The following FCGR2A variants were observed in gnomAD, a reference collection of about 807,000 sequenced individuals.
FCGR2A encodes the protein low affinity immunoglobulin gamma Fc region receptor II-a.
Under a neutral mutation model 29.3 loss-of-function variants are expected in FCGR2A, and 18 were observed. That is an observed-to-expected ratio of 0.62 (90% confidence interval 0.43 to 0.91). The LOEUF (loss-of-function observed/expected upper bound fraction) is 0.91, where lower values mean the gene tolerates loss of function less well. Ranked by LOEUF, FCGR2A falls within the 40% of genes least tolerant of loss-of-function variation. FCGR2A has a pLI of 0.00. For missense variants in FCGR2A, 287 were observed against 393.0 expected (o/e 0.73, Z 2.28); for synonymous variants, 126 against 144.8 (o/e 0.87, Z 0.93).
intron 3 of FCGR2A, among the ~76,000 whole-genome samples, chr1:161,508,022 G>A (rs1440569006): frequency 2.1e-5 from 3 of 142,770 alleles, no homozygotes; most frequent in Admixed American, 1.5e-4. Flanking sequence ...GGAGGTGGAG[G>A]TTGCGGTGAG....
At chr1:161,506,896 A>G (rs1304618954) in intron 3 of FCGR2A, among the ~76,000 whole-genome samples, 1 of 152,180 alleles carries the variant, frequency 6.6e-6, no homozygotes, top group African/African-American at 2.4e-5. Flanking sequence ...TCCCTACTTT[A>G]AAAAACTACC....
At chr1:161,506,925 G>T (rs1036988635) in intron 3 of FCGR2A, among the ~76,000 whole-genome samples, 1 of 152,152 alleles carries the variant, frequency 6.6e-6, no homozygotes, top group Non-Finnish European at 1.5e-5. Flanking sequence ...GTGGCAATGC[G>T]GTAAAGCAGA....
At chr1:161,520,979 G>C (rs1267451363), downstream of FCGR2A, among the ~76,000 whole-genome samples, 4 of 150,968 alleles carry the variant, frequency 2.6e-5, no homozygotes, top group African/African-American at 9.8e-5. Flanking sequence ...TCTGCCCAGA[G>C]CCTATGTTAT....
At position 161,519,776 on chromosome 1, in the gene FCGR2A, A is replaced by G. The variant is rs1169925940; in HGVS notation, c.*1628A>G. 6.6e-6 allele frequency: 1 copy of G among 152,098 alleles called. No homozygotes were observed. The highest frequency in any genetic ancestry group is 1.5e-5 in the Non-Finnish European group (1 of 68,012). The allele number at this position is 152,098 out of a possible 1,614,324, so 9.4% of individuals were successfully genotyped here. ...CTAATGAACTTGTATTCTTGTTTCCATGTCTTCTTCCCTTTCCTTCTATAG... is the reference window on the plus strand; with the variant it reads ...CTAATGAACTTGTATTCTTGTTTCCGTGTCTTCTTCCCTTTCCTTCTATAG... On this transcript the variant is annotated 3_prime_UTR_variant, in exon 7 of 7. Transcript: ENST00000271450.
At chr1:161,512,538 A>G (rs1675868235) in intron 5 of FCGR2A, among the ~76,000 whole-genome samples, 1 of 150,242 alleles carries the variant, frequency 6.7e-6, no homozygotes, top group Admixed American at 6.7e-5. Flanking sequence ...GTGACCTCTC[A>G]GGCCTTCTAG....
intron 5 of FCGR2A, among the ~76,000 whole-genome samples, chr1:161,512,644 T>A (rs7531011): frequency 1.4e-5 from 2 of 145,880 alleles, no homozygotes; most frequent in South Asian, 2.2e-4. Flanking sequence ...AGGAAACCAG[T>A]GCTTTCTCTG....
intron 5 of FCGR2A, chr1:161,513,668 A>G: frequency 1.7e-6 from 1 of 601,012 alleles, no homozygotes. Context: ...GGCCCAAGTG[A>G]CTGCTTCCCT....
intron 5 of FCGR2A, 108 bp downstream of exon 5, chr1:161,511,064 C>A: frequency 6.7e-7 from 1 of 1,492,290 alleles, no homozygotes; most frequent in South Asian, 1.1e-5. Context: ...GCATTCCGAT[C>A]TAGGCCCACC....
chr1:161,516,388 G>A (rs552682), intron 6 of FCGR2A, among the ~76,000 whole-genome samples: 1 of 151,908 alleles, frequency 6.6e-6, no homozygotes, highest in Non-Finnish European at 1.5e-5. Context: ...TATTCTCCTT[G>A]TAACAGGACA....
At chr1:161,523,949 C>T (rs1033361549), downstream of FCGR2A, 2 of 153,468 alleles carry the variant, frequency 1.3e-5, no homozygotes, top group African/African-American at 4.8e-5. Flanking sequence ...AGTATTGTCT[C>T]TTAAAGCTCA....
downstream of FCGR2A, among the ~76,000 whole-genome samples, chr1:161,520,445 A>G (rs906546872): frequency 2.6e-5 from 4 of 151,846 alleles, no homozygotes; most frequent in African/African-American, 9.7e-5. Flanking sequence ...TGACCCAGTT[A>G]CCTCCACCTG....
rs2102453414 is a variant in FCGR2A at position 161,505,519 on chromosome 1, C to T, written c.52C>T (p.Leu18=). The part of the protein sequence containing the change: ...SQNVCPRNLW[L]LQPLTVLLLL... Reference sequence around the variant, plus strand: ...GAATGTATGTCCCAGAAACCTGTGGCTGCTTCAACCATTGACAGTTTTGCT... The same window carrying T: ...GAATGTATGTCCCAGAAACCTGTGGTTGCTTCAACCATTGACAGTTTTGCT... Residue 18 remains leucine, a synonymous_variant, in exon 1 of 7, where the codon CTG becomes TTG. Coordinates refer to ENST00000271450, the MANE Select transcript of FCGR2A (RefSeq NM_001136219.3). The T allele has an allele frequency of 1.2e-6, 2 of 1,614,138 alleles. No homozygotes were observed. Among genetic ancestry groups the T allele is most frequent in the South Asian group, 1.1e-5 (1 of 91,084 alleles).
chr1:161,506,137 CCCCCATTTT>C, intron 2 of FCGR2A, 130 bp downstream of exon 2: 1 of 1,266,580 alleles, frequency 7.9e-7, no homozygotes, highest in South Asian at 1.2e-5. Flanking sequence ...ATGGGCAGTT[CCCCCATTTT>C]AGTGGGGTCT....
chr1:161,523,275 T>C (rs1676526180), downstream of FCGR2A: 1 of 152,164 alleles, frequency 6.6e-6, no homozygotes, highest in African/African-American at 2.4e-5. Flanking sequence ...AATGTCTCCT[T>C]GTTTTGGCTT....
Position 161,518,388 on chromosome 1 carries a change from T to C in FCGR2A, c.*240T>C. 1 of 769,532 alleles carries C rather than the reference T, an allele frequency of 1.3e-6. No homozygotes were observed. The highest frequency in any genetic ancestry group is 2.0e-6 in the Non-Finnish European group (1 of 505,092). 47.7% of individuals were successfully genotyped at this position (769,532 alleles called of 1,614,324 possible). ...TTGGATCATTTCTGGTAAATGCTTA[T>C]GTTAGAAATAAGACAACCCCAGCCA... On this transcript the variant is annotated 3_prime_UTR_variant, in exon 7 of 7. Transcript: ENST00000271450.
chr1:161,518,433 CAT>C lies in FCGR2A; in HGVS notation c.*289_*290del. On this transcript the variant is annotated 3_prime_UTR_variant, in exon 7 of 7. Transcript: ENST00000271450. ...CAGCCAATCACAAGCAGCCTACTAA[CAT>C]ATAATTAGGTGACTAGGGACTTTCT... The C allele has an allele frequency of 2.0e-6, 1 of 490,816 alleles. No individual in the cohort carries two copies. Among genetic ancestry groups the C allele is most frequent in the Non-Finnish European group, 3.6e-6 (1 of 278,978 alleles). 30.4% of individuals were successfully genotyped at this position (490,816 alleles called of 1,614,324 possible). A position where few individuals can be genotyped will look rare whatever the true frequency, so the allele number is the denominator to read the frequency against.
chr1:161,517,729 G>C (rs1415370279), intron 6 of FCGR2A, among the ~76,000 whole-genome samples: 2 of 152,068 alleles, frequency 1.3e-5, no homozygotes, highest in Non-Finnish European at 2.9e-5. Context: ...TTTGGGCCTA[G>C]TGCAGGAGCT....
downstream of FCGR2A, among the ~76,000 whole-genome samples, chr1:161,522,582 C>T (rs528818838): frequency 1.3e-5 from 2 of 152,212 alleles, no homozygotes; most frequent in Admixed American, 6.5e-5. Context: ...CCGTCTCTTG[C>T]AGGCCGTTGG....
At chr1:161,520,302 A>G (rs1676402295), downstream of FCGR2A, among the ~76,000 whole-genome samples, 1 of 152,186 alleles carries the variant, frequency 6.6e-6, no homozygotes, top group African/African-American at 2.4e-5. Context: ...GGCAAAGGAG[A>G]AGCAGGCACC....
Sources: gnomAD v4.1 joint callset for allele counts (sites outside exome capture counted in the v4.1 genomes callset) on GRCh38, gnomAD v4.1.1 for gene constraint, MANE v1.5 for transcripts, NCBI Gene and HGNC (gene_info 2026-07-23, HGNC 2026-07-21) for gene names.